The following RAB11A variants were observed in gnomAD, a reference collection of about 807,000 sequenced individuals.
RAB11A encodes RAB11A, member RAS oncogene family, also known as ras-related protein Rab-11A.
A neutral mutation model predicts 28.0 loss-of-function variants in RAB11A; 9 were observed. The ratio of observed to expected loss-of-function variants is 0.32; its 90% CI spans 0.19 to 0.56. The LOEUF (loss-of-function observed/expected upper bound fraction) is 0.56. Among genes scored for constraint, RAB11A ranks in the 20% least tolerant of loss-of-function variants. The pLI is 0.91. For synonymous variants in RAB11A, 85 were observed against 88.2 expected (o/e 0.96, Z 0.20); for missense variants, 108 against 269.6 (o/e 0.40, Z 4.20).
At chr15:65,873,685 C>G (rs2078176599) in intron 1 of RAB11A, among the ~76,000 whole-genome samples, 1 of 152,012 alleles carries the variant, frequency 6.6e-6, no homozygotes, top group South Asian at 2.1e-4. Flanking sequence ...TCCCAAGTAG[C>G]TGCAACTACA....
chr15:65,879,039 T>TC (rs2078205646), intron 3 of RAB11A, among the ~76,000 whole-genome samples: 1 of 151,330 alleles, frequency 6.6e-6, no homozygotes, highest in Non-Finnish European at 1.5e-5. Context: ...TGTGACCCAT[T>TC]CTGGAGTGGA....
chr15:65,877,831 A>C lies in RAB11A; in HGVS notation c.306A>C (p.Val102=), dbSNP rs758445885. The C allele has an allele frequency of 9.3e-6, 15 of 1,611,314 alleles. No homozygotes were observed. Among genetic ancestry groups the C allele is most frequent in the Non-Finnish European group, 1.3e-5 (15 of 1,177,398 alleles). Residue 102 remains valine, a synonymous_variant, in exon 3 of 5, where the codon GTA becomes GTC. Coordinates refer to ENST00000261890, the MANE Select transcript of RAB11A (RefSeq NM_004663.5). This position sits in a 1 kb window ranked among gnomAD's most constrained non-coding sequence, Gnocchi z 4.1. ...DIAKHLTYEN[V]ERWLKELRDH... The stretch of plus-strand genomic sequence containing the variant: ...CTAAACATCTCACATATGAAAATGT[A>C]GAGCGATGGCTGAAAGAACTGAGAG...
intron 1 of RAB11A, among the ~76,000 whole-genome samples, chr15:65,871,619 A>G (rs1161396869): frequency 6.6e-6 from 1 of 152,218 alleles, no homozygotes; most frequent in Non-Finnish European, 1.5e-5. Context: ...AGAATATTAA[A>G]TATTCTGAAT....
At chr15:65,887,064 G>A (rs2078260098) in intron 4 of RAB11A, among the ~76,000 whole-genome samples, 1 of 151,992 alleles carries the variant, frequency 6.6e-6, no homozygotes, top group African/African-American at 2.4e-5. Flanking sequence ...GTCATTGTGT[G>A]TAGGCAATTT....
intron 3 of RAB11A, among the ~76,000 whole-genome samples, chr15:65,878,775 T>A (rs979417269): frequency 1.3e-5 from 2 of 152,210 alleles, no homozygotes; most frequent in African/African-American, 2.4e-5. Context: ...TTTTTAAATT[T>A]CCCATGCAAG....
intron 4 of RAB11A, 108 bp downstream of exon 4, chr15:65,879,859 A>G: frequency 1.2e-6 from 1 of 817,590 alleles, no homozygotes; most frequent in Non-Finnish European, 1.9e-6. Flanking sequence ...AGTGACTATC[A>G]TTTGAGAGCT....
intron 1 of RAB11A, among the ~76,000 whole-genome samples, chr15:65,874,172 T>C (rs761252111): frequency 2.0e-5 from 3 of 152,158 alleles, no homozygotes; most frequent in Admixed American, 1.3e-4. Context: ...CAGCTTGATA[T>C]TCAGTATTAG....
chr15:65,882,303 ACTTT>A (rs1279014782), intron 4 of RAB11A, among the ~76,000 whole-genome samples: 2 of 152,224 alleles, frequency 1.3e-5, no homozygotes, highest in East Asian at 3.8e-4. Context: ...TTTGTTCTAA[ACTTT>A]CTTCCTCCTG....
chr15:65,878,337 C>T (rs543850433), intron 3 of RAB11A, among the ~76,000 whole-genome samples: 17 of 152,250 alleles, frequency 1.1e-4, no homozygotes, highest in African/African-American at 3.9e-4. Flanking sequence ...GTCTCTTGCC[C>T]CTGTTCTGGT....
intron 3 of RAB11A, among the ~76,000 whole-genome samples, chr15:65,879,275 G>A (rs1446346561): frequency 6.6e-6 from 1 of 152,206 alleles, no homozygotes; most frequent in East Asian, 1.9e-4. Flanking sequence ...GCCTGCCAAA[G>A]TCCTGGGATT....
chr15:65,872,560 G>A (rs1244319479), intron 1 of RAB11A, among the ~76,000 whole-genome samples: 1 of 151,020 alleles, frequency 6.6e-6, no homozygotes, highest in Non-Finnish European at 1.5e-5. Flanking sequence ...TCAGTCTCCC[G>A]AGTAGCTGGG....
chr15:65,884,766 A>T (rs1482235292), intron 4 of RAB11A, among the ~76,000 whole-genome samples: 1 of 151,666 alleles, frequency 6.6e-6, no homozygotes, highest in East Asian at 1.9e-4. Flanking sequence ...ATTAAAAAAA[A>T]AAAAAAACCA....
In RAB11A at chr15:65,883,315, A is replaced by T. The variant is rs1162922956; in HGVS notation, c.511+3564A>T. Among the ~76,000 whole-genome samples, 22 of 152,146 alleles carry T rather than the reference A, an allele frequency of 1.4e-4. 1 individual carries two copies. Among genetic ancestry groups the T allele is most frequent in the Admixed American group, 1.3e-3 (20 of 15,270 alleles). On this transcript the variant is annotated intron_variant, in intron 4 of 4. Transcript: ENST00000261890. ...CGAACAGTTCCTCAATCTTTTGTTT[A>T]TTGACCTTGACATTTTTGAAGGGTA... is the stretch of plus-strand genomic sequence containing the variant.
chr15:65,876,180 A>T (rs779151266), intron 1 of RAB11A, among the ~76,000 whole-genome samples: 13 of 152,246 alleles, frequency 8.5e-5, no homozygotes, highest in Non-Finnish European at 1.3e-4. Context: ...TCTAGTTAGT[A>T]AATAAACTGC....
chr15:65,878,072 G>A (rs576145607), intron 3 of RAB11A, 117 bp downstream of exon 3: 5 of 1,075,370 alleles, frequency 4.6e-6, no homozygotes, highest in Non-Finnish European at 7.1e-6. Context: ...TGCTTAGCAA[G>A]AATTGTTTTG....
At chr15:65,870,482 A>T (rs934206870) in intron 1 of RAB11A, among the ~76,000 whole-genome samples, 1 of 152,108 alleles carries the variant, frequency 6.6e-6, no homozygotes, top group African/African-American at 2.4e-5. Context: ...CTCCCTACTC[A>T]GTGGCACCCA....
intron 1 of RAB11A, chr15:65,870,205 C>G (rs1448977412): frequency 6.6e-6 from 1 of 152,484 alleles, no homozygotes; most frequent in African/African-American, 2.4e-5. Flanking sequence ...CCCGTAAAAT[C>G]TGAGCGGGCC....
intron 4 of RAB11A, among the ~76,000 whole-genome samples, chr15:65,882,403 A>C (rs1021063546): frequency 3.3e-5 from 5 of 152,222 alleles, no homozygotes; most frequent in Non-Finnish European, 4.4e-5. Flanking sequence ...AAATGTTAAC[A>C]GTCTTAAGGG....
At chr15:65,884,985 A>C (rs2078246657) in intron 4 of RAB11A, among the ~76,000 whole-genome samples, 1 of 146,538 alleles carries the variant, frequency 6.8e-6, no homozygotes, top group Admixed American at 6.8e-5. Flanking sequence ...TTTTGGAGAC[A>C]GGGTCTCACA....
Sources: allele counts gnomAD v4.1 joint callset (sites outside exome capture counted in the v4.1 genomes callset), GRCh38; gene constraint gnomAD v4.1.1; non-coding constraint Gnocchi (gnomAD v3.1); transcripts MANE v1.5; gene names NCBI Gene and HGNC (gene_info 2026-07-23, HGNC 2026-07-21).